The following SLC24A2 variants were observed in gnomAD, a reference collection of about 807,000 sequenced individuals.
SLC24A2 encodes sodium/potassium/calcium exchanger 2.
In SLC24A2, 36 loss-of-function variants were observed where a neutral mutation model predicts 62.0. The ratio of observed to expected loss-of-function variants is 0.58; its 90% CI spans 0.44 to 0.77. The LOEUF is 0.77. SLC24A2 is among the 30% of genes least tolerant of loss of function. The pLI is 0.00. For missense variants in SLC24A2, 846 were observed against 817.9 expected (o/e 1.03, Z -0.42); for synonymous variants, 358 against 294.0 (o/e 1.22, Z -2.23).
the SLC24A2 span, among the ~76,000 whole-genome samples, chr9:19,979,581 T>C: frequency 6.6e-6 from 1 of 152,174 alleles, no homozygotes; most frequent in Non-Finnish European, 1.5e-5. Context: ...AACGATTTCT[T>C]TGCTTCCCCA....
chr9:19,925,840 G>T, the SLC24A2 span, among the ~76,000 whole-genome samples: 6 of 152,122 alleles, frequency 3.9e-5, no homozygotes, highest in Admixed American at 3.9e-4. Flanking sequence ...TAAAAAACTG[G>T]CTTTTCCTGA....
chr9:19,870,377 T>A, the SLC24A2 span, among the ~76,000 whole-genome samples: 1 of 152,242 alleles, frequency 6.6e-6, no homozygotes, highest in Non-Finnish European at 1.5e-5. Context: ...GGCTGAACAA[T>A]ATTCTGTTGT....
intron 2 of SLC24A2, among the ~76,000 whole-genome samples, chr9:19,722,656 T>C (rs1238100768): frequency 8.2e-5 from 3 of 36,562 alleles, no homozygotes; most frequent in African/African-American, 6.5e-4. Flanking sequence ...AAATAGGATA[T>C]TAAAAAAAAA....
At chr9:20,174,675 G>A in the SLC24A2 span, among the ~76,000 whole-genome samples, 2 of 152,098 alleles carry the variant, frequency 1.3e-5, no homozygotes, top group African/African-American at 4.8e-5. Flanking sequence ...CTGCAAGAAT[G>A]GCCATAAACA....
the SLC24A2 span, among the ~76,000 whole-genome samples, chr9:20,008,391 T>C: frequency 1.3e-3 from 198 of 152,100 alleles, 2 homozygotes; most frequent in African/African-American, 4.2e-3. Flanking sequence ...TGGTGACTTC[T>C]GTACATGGAT....
the SLC24A2 span, among the ~76,000 whole-genome samples, chr9:19,844,959 C>CT: frequency 0.78 from 113,562 of 144,896 alleles, 45,199 homozygotes; most frequent in Middle Eastern, 0.87. Flanking sequence ...ATGCCTCTGG[C>CT]TTTTTTTTTT....
At chr9:19,909,135 T>C in the SLC24A2 span, among the ~76,000 whole-genome samples, 2 of 152,300 alleles carry the variant, frequency 1.3e-5, no homozygotes, top group South Asian at 4.1e-4. Flanking sequence ...ATATATACCA[T>C]GGAATACTAT....
At chr9:20,106,394 A>G in the SLC24A2 span, among the ~76,000 whole-genome samples, 1 of 152,194 alleles carries the variant, frequency 6.6e-6, no homozygotes, top group Non-Finnish European at 1.5e-5. Flanking sequence ...AGACACAACC[A>G]AAAAAGAGAA....
chr9:20,250,367 A>G, the SLC24A2 span, among the ~76,000 whole-genome samples: 1 of 152,132 alleles, frequency 6.6e-6, no homozygotes, highest in African/African-American at 2.4e-5. Flanking sequence ...GCAGATGACA[A>G]TGAGCCCCCA....
At chr9:19,660,449 C>T (rs180695996) in intron 2 of SLC24A2, among the ~76,000 whole-genome samples, 2 of 152,198 alleles carry the variant, frequency 1.3e-5, no homozygotes, top group East Asian at 1.9e-4. Context: ...AAAGTGTTTT[C>T]CATCCAGATA....
At chr9:20,020,694 C>G in the SLC24A2 span, among the ~76,000 whole-genome samples, 8 of 152,264 alleles carry the variant, frequency 5.3e-5, no homozygotes, top group Admixed American at 6.5e-5. Context: ...GTGTTCTGCA[C>G]ACGTATCCCA....
chr9:19,526,583 A>C (rs964492868), intron 9 of SLC24A2, among the ~76,000 whole-genome samples: 2 of 152,104 alleles, frequency 1.3e-5, no homozygotes, highest in African/African-American at 4.8e-5. Context: ...GTTTTGATTT[A>C]CACTTCTTTA....
chr9:19,857,761 G>C, the SLC24A2 span, among the ~76,000 whole-genome samples: 1 of 122,052 alleles, frequency 8.2e-6, no homozygotes, highest in Non-Finnish European at 1.8e-5. Flanking sequence ...TTTTTTTTTT[G>C]GTGTGCAGAT....
At chr9:19,880,058 C>T in the SLC24A2 span, among the ~76,000 whole-genome samples, 1 of 152,064 alleles carries the variant, frequency 6.6e-6, no homozygotes, top group Non-Finnish European at 1.5e-5. Flanking sequence ...TCAAAATCTA[C>T]TTATGTTTTG....
chr9:19,655,295 G>T (rs983176975), intron 2 of SLC24A2, among the ~76,000 whole-genome samples: 8 of 152,190 alleles, frequency 5.3e-5, no homozygotes, highest in Non-Finnish European at 1.0e-4. Context: ...ATTTCATCCA[G>T]CCTAAATAGC....
chr9:20,172,816 G>C, the SLC24A2 span, among the ~76,000 whole-genome samples: 1 of 152,032 alleles, frequency 6.6e-6, no homozygotes. Flanking sequence ...TCACAAGATA[G>C]AGGAAGAGGG....
At chr9:19,702,309 T>A (rs1820379035) in intron 2 of SLC24A2, among the ~76,000 whole-genome samples, 1 of 152,212 alleles carries the variant, frequency 6.6e-6, no homozygotes, top group Non-Finnish European at 1.5e-5. Flanking sequence ...TAATGTCTTA[T>A]GCAAAGCAAT....
the SLC24A2 span, among the ~76,000 whole-genome samples, chr9:20,169,709 C>T: frequency 1.3e-5 from 2 of 151,672 alleles, no homozygotes; most frequent in Non-Finnish European, 2.9e-5. Context: ...CCTTCCCAGA[C>T]ATAGCCTATC....
At chr9:20,079,734 C>G in the SLC24A2 span, among the ~76,000 whole-genome samples, 1 of 152,148 alleles carries the variant, frequency 6.6e-6, no homozygotes, top group African/African-American at 2.4e-5. Flanking sequence ...CTCTGTTTGT[C>G]TGTTAGTGGT....
Sources: allele counts gnomAD v4.1 joint callset (sites outside exome capture counted in the v4.1 genomes callset), GRCh38; gene constraint gnomAD v4.1.1; transcripts MANE v1.5; gene names NCBI Gene and HGNC (gene_info 2026-07-23, HGNC 2026-07-21).